Variants in CPEB3 observed in about 807,000 individuals in gnomAD.
CPEB3 encodes the protein cytoplasmic polyadenylation element-binding protein 3.
Under a neutral mutation model 67.2 loss-of-function variants are expected in CPEB3, and 20 were observed. That is an observed-to-expected ratio of 0.30 (90% CI 0.21 to 0.43). The LOEUF is 0.43. CPEB3 is among the 20% of genes least tolerant of loss of function. The pLI, the probability that CPEB3 is intolerant of heterozygous loss-of-function variation, is 1.00. For missense variants in CPEB3, 746 were observed against 968.6 expected, an observed-to-expected ratio of 0.77 and a Z score of 3.05; for synonymous variants, 376 against 393.1, an observed-to-expected ratio of 0.96 and a Z score of 0.51.
intron 7 of CPEB3, among the ~76,000 whole-genome samples, chr10:92,094,787 T>G (rs977299109): frequency 6.6e-6 from 1 of 150,386 alleles, no homozygotes; most frequent in Non-Finnish European, 1.5e-5. Context: ...TTCCTGACAC[T>G]GTGAGAACAA....
intron 7 of CPEB3, among the ~76,000 whole-genome samples, chr10:92,098,832 TG>T (rs1844028554): frequency 6.8e-6 from 1 of 146,530 alleles, no homozygotes; most frequent in Non-Finnish European, 1.5e-5. Flanking sequence ...AGTGCAGTGG[TG>T]CAATCTCAGC....
At chr10:92,252,711 G>T (rs1248558452) in intron 1 of CPEB3, among the ~76,000 whole-genome samples, 6 of 151,758 alleles carry the variant, frequency 4.0e-5, no homozygotes, top group African/African-American at 1.5e-4. Context: ...TAGAGATGAG[G>T]GTTTTGCCGT....
At chr10:92,284,249 G>A (rs1842434800) in intron 1 of CPEB3, among the ~76,000 whole-genome samples, 1 of 151,524 alleles carries the variant, frequency 6.6e-6, no homozygotes, top group Non-Finnish European at 1.5e-5. Flanking sequence ...ATTTTGGCCA[G>A]GATGGTCTCC....
At chr10:92,149,669 G>A (rs1156696648) in intron 4 of CPEB3, among the ~76,000 whole-genome samples, 1 of 152,250 alleles carries the variant, frequency 6.6e-6, no homozygotes, top group African/African-American at 2.4e-5. Flanking sequence ...TACGATAGAC[G>A]TTAGCAATAA....
intron 8 of CPEB3, among the ~76,000 whole-genome samples, chr10:92,085,985 A>G (rs1380473275): frequency 6.6e-6 from 1 of 152,116 alleles, no homozygotes; most frequent in Non-Finnish European, 1.5e-5. Flanking sequence ...CTCCTTCTTC[A>G]TGGGTTCACC....
chr10:92,241,936 G>A (rs1198791846), intron 1 of CPEB3, among the ~76,000 whole-genome samples: 1 of 152,106 alleles, frequency 6.6e-6, no homozygotes, highest in South Asian at 2.1e-4. Context: ...ACTTGGAGAG[G>A]AATCTTTCTC....
At chr10:92,180,150 C>T (rs1191980914) in intron 4 of CPEB3, among the ~76,000 whole-genome samples, 1 of 152,180 alleles carries the variant, frequency 6.6e-6, no homozygotes, top group Admixed American at 6.5e-5. Context: ...GCTGATGCCA[C>T]CCAGATTATT....
chr10:92,197,553 C>G (rs1056953775), intron 2 of CPEB3, among the ~76,000 whole-genome samples: 1 of 152,120 alleles, frequency 6.6e-6, no homozygotes, highest in Non-Finnish European at 1.5e-5. Flanking sequence ...CAAGCAAACA[C>G]ACCAAGAAGT....
At chr10:92,281,646 T>C (rs1842300933) in intron 1 of CPEB3, among the ~76,000 whole-genome samples, 1 of 152,262 alleles carries the variant, frequency 6.6e-6, no homozygotes, top group Non-Finnish European at 1.5e-5. Flanking sequence ...TACAGAAGTA[T>C]GCATACTGCC....
At chr10:92,203,358 ATATATATGTATATATG>A (rs574721174) in intron 2 of CPEB3, among the ~76,000 whole-genome samples, 1 of 147,014 alleles carries the variant, frequency 6.8e-6, no homozygotes, top group Non-Finnish European at 1.5e-5. Context: ...ATATATATGT[ATATATATGTATATATG>A]TATATATGTA....
At chr10:92,070,887 C>A (rs1172125211) in intron 9 of CPEB3, among the ~76,000 whole-genome samples, 2 of 150,674 alleles carry the variant, frequency 1.3e-5, no homozygotes, top group East Asian at 3.9e-4. Flanking sequence ...AATCAACCAA[C>A]TTTACCCCGA....
In CPEB3 at chr10:92,047,644, A is replaced by G. The variant is rs1226496466; in HGVS notation, c.*4568T>C. 6.6e-6 allele frequency: 1 copy of G among 152,228 alleles called. No individual in the cohort carries two copies. Among genetic ancestry groups the G allele is most frequent in the Admixed American group, 6.5e-5 (1 of 15,284 alleles). 9.4% of individuals were successfully genotyped at this position (152,228 alleles called of 1,614,324 possible). ...TTCCACTTTTCTTCTGTTCCTAATCATTTATTTGTAGTTAATGTAAAATTC... is the reference window on the plus strand; with the variant it reads ...TTCCACTTTTCTTCTGTTCCTAATCGTTTATTTGTAGTTAATGTAAAATTC... On this transcript the variant is annotated 3_prime_UTR_variant, in exon 10 of 10. Transcript: ENST00000265997.
chr10:92,271,892 A>G (rs1392142034), intron 1 of CPEB3, among the ~76,000 whole-genome samples: 2 of 152,056 alleles, frequency 1.3e-5, no homozygotes, highest in African/African-American at 4.8e-5. Flanking sequence ...GTGATTTCGT[A>G]TTTTTATCAA....
chr10:92,134,451 T>C (rs1250445758), intron 6 of CPEB3, among the ~76,000 whole-genome samples: 2 of 151,784 alleles, frequency 1.3e-5, no homozygotes, highest in East Asian at 3.9e-4. Flanking sequence ...GAATCCAACT[T>C]ACAAGGGATG....
intron 7 of CPEB3, among the ~76,000 whole-genome samples, chr10:92,094,983 T>A (rs538333644): frequency 6.6e-6 from 1 of 152,300 alleles, no homozygotes; most frequent in Non-Finnish European, 1.5e-5. Context: ...ATTTTAAAAA[T>A]GAAAACTATT....
At chr10:92,109,397 C>A (rs750045634) in intron 7 of CPEB3, among the ~76,000 whole-genome samples, 1 of 152,100 alleles carries the variant, frequency 6.6e-6, no homozygotes, top group Non-Finnish European at 1.5e-5. Context: ...GGATTACAGG[C>A]ACGTGCCACC....
At chr10:92,228,921 T>G (rs1226070918) in intron 2 of CPEB3, among the ~76,000 whole-genome samples, 2 of 151,360 alleles carry the variant, frequency 1.3e-5, no homozygotes, top group Admixed American at 6.6e-5. Context: ...ATCATGTTGG[T>G]CAGGCTGGTC....
chr10:92,098,160 TAAAAAAAAAAAAAAAAAAAAAAAAAA>T (rs1166249584), intron 7 of CPEB3, among the ~76,000 whole-genome samples: 1 of 36,106 alleles, frequency 2.8e-5, no homozygotes, highest in East Asian at 1.0e-3. Context: ...ACACTCTGCC[TAAAAAAAAAAAAAAAAAAAAAAAAAA>T]AAAAAAAAAA....
chr10:92,154,189 T>C (rs931245371), intron 4 of CPEB3, among the ~76,000 whole-genome samples: 1 of 152,180 alleles, frequency 6.6e-6, no homozygotes, highest in Non-Finnish European at 1.5e-5. Flanking sequence ...GGGGTTGCAG[T>C]TGTATAGGAG....
Sources: allele counts gnomAD v4.1 joint callset (sites outside exome capture counted in the v4.1 genomes callset), GRCh38; gene constraint gnomAD v4.1.1; transcripts MANE v1.5; gene names NCBI Gene and HGNC (gene_info 2026-07-23, HGNC 2026-07-21).